Variants in ANKS1B observed in about 807,000 individuals in gnomAD.
ANKS1B encodes the protein ankyrin repeat and sterile alpha motif domain-containing protein 1B.
ANKS1B carries 36 observed loss-of-function variants against 148.3 expected under a neutral mutation model. The ratio of observed to expected loss-of-function variants is 0.24; its 90% confidence interval spans 0.19 to 0.32. The LOEUF (loss-of-function observed/expected upper bound fraction) is 0.32, where lower values mean the gene tolerates loss of function less well. Among genes scored for constraint, ANKS1B ranks in the 10% least tolerant of loss-of-function variants. The pLI, the probability that ANKS1B is intolerant of heterozygous loss-of-function variation, is 1.00. For missense variants in ANKS1B, 1,157 were observed against 1,542.6 expected (o/e 0.75, Z 4.19); for synonymous variants, 542 against 560.8 (o/e 0.97, Z 0.47).
intron 10 of ANKS1B, among the ~76,000 whole-genome samples, chr12:99,461,485 A>G (rs2095968779): frequency 6.6e-6 from 1 of 152,208 alleles, no homozygotes; most frequent in Admixed American, 6.6e-5. Flanking sequence ...ATATCACAGT[A>G]GTTGGAGGTG....
intron 1 of ANKS1B, among the ~76,000 whole-genome samples, chr12:99,905,774 G>A (rs1406078924): frequency 6.6e-6 from 1 of 152,068 alleles, no homozygotes; most frequent in Non-Finnish European, 1.5e-5. Context: ...TCTTCTTATA[G>A]AGATACCAGT....
intron 14 of ANKS1B, among the ~76,000 whole-genome samples, chr12:99,229,701 A>G (rs1337306897): frequency 1.3e-5 from 2 of 151,868 alleles, no homozygotes; most frequent in Non-Finnish European, 2.9e-5. Context: ...ATAAAAATCT[A>G]CTATTTATCT....
intron 1 of ANKS1B, among the ~76,000 whole-genome samples, chr12:99,878,557 G>GT (rs1376305446): frequency 1.3e-5 from 2 of 152,036 alleles, no homozygotes; most frequent in Non-Finnish European, 2.9e-5. Context: ...TATCCTTTTT[G>GT]TTTTTTCATT....
chr12:99,413,794 A>T (rs1026279583), intron 11 of ANKS1B, among the ~76,000 whole-genome samples: 2 of 152,164 alleles, frequency 1.3e-5, no homozygotes, highest in Admixed American at 6.5e-5. Flanking sequence ...AGACACTGCA[A>T]TCCCACATAG....
intron 9 of ANKS1B, among the ~76,000 whole-genome samples, chr12:99,523,028 G>GT (rs2096890621): frequency 6.6e-6 from 1 of 152,194 alleles, no homozygotes; most frequent in Admixed American, 6.5e-5. Flanking sequence ...CAATAATGTA[G>GT]TTTTTCAAAT....
intron 19 of ANKS1B, among the ~76,000 whole-genome samples, chr12:98,815,622 CTGA>C (rs1484428342): frequency 5.9e-5 from 9 of 152,168 alleles, no homozygotes; most frequent in Admixed American, 3.3e-4. Context: ...GACCAAGCTC[CTGA>C]TGACCTCACC....
At chr12:99,504,363 T>A in intron 10 of ANKS1B, 113 bp downstream of exon 10, 2 of 1,069,574 alleles carry the variant, frequency 1.9e-6, no homozygotes, top group Non-Finnish European at 2.7e-6. Context: ...TGGAACTACA[T>A]TGGGGGAACT....
chr12:99,768,037 T>C (rs985298084), intron 8 of ANKS1B, among the ~76,000 whole-genome samples: 1 of 152,090 alleles, frequency 6.6e-6, no homozygotes, highest in Non-Finnish European at 1.5e-5. Flanking sequence ...CAACAAAAGC[T>C]AAACTGAACT....
intron 8 of ANKS1B, among the ~76,000 whole-genome samples, chr12:99,687,581 C>G (rs1472802102): frequency 6.6e-6 from 1 of 152,054 alleles, no homozygotes; most frequent in Non-Finnish European, 1.5e-5. Flanking sequence ...GTTCACTAAT[C>G]TTTTCTGCTT....
In ANKS1B at chr12:99,414,773, T is replaced by C. The variant is rs1367139098; in HGVS notation, c.1576-14962A>G. Among the ~76,000 whole-genome samples the C allele has an allele frequency of 5.9e-5, 9 of 152,232 alleles. 1 individual carries two copies. In the South Asian group the frequency reaches 1.9e-3, roughly 31 times the overall value. On this transcript the variant is annotated intron_variant, in intron 11 of 26. Coordinates refer to ENST00000683438, the MANE Select transcript of ANKS1B (RefSeq NM_001352186.2). ...GTGCAACAAACCACCATAGCACATG[T>C]ATACCTATGTAACAAACCTGCGCGT...
At chr12:99,313,003 TAAC>T (rs1211454717) in intron 12 of ANKS1B, among the ~76,000 whole-genome samples, 3 of 151,266 alleles carry the variant, frequency 2.0e-5, no homozygotes, top group Non-Finnish European at 4.4e-5. Context: ...TTGAAAAAAT[TAAC>T]AAAATAGATA....
chr12:98,974,703 C>T (rs900139040), intron 17 of ANKS1B, among the ~76,000 whole-genome samples: 2 of 152,084 alleles, frequency 1.3e-5, no homozygotes, highest in Non-Finnish European at 2.9e-5. Flanking sequence ...CCAGGTAGGC[C>T]TCGTAGACAA....
chr12:99,289,737 C>T (rs1420848537), intron 12 of ANKS1B, among the ~76,000 whole-genome samples: 1 of 151,736 alleles, frequency 6.6e-6, no homozygotes, highest in African/African-American at 2.4e-5. Context: ...AATGGAAACA[C>T]AACATATCAA....
intron 9 of ANKS1B, among the ~76,000 whole-genome samples, chr12:99,619,430 T>A (rs1005606616): frequency 1.6e-4 from 24 of 152,038 alleles, no homozygotes; most frequent in Non-Finnish European, 3.4e-4. Flanking sequence ...CTAGTCTTCC[T>A]GCGCATAGAT....
At chr12:99,015,958 A>G (rs1477606277) in intron 17 of ANKS1B, among the ~76,000 whole-genome samples, 3 of 152,214 alleles carry the variant, frequency 2.0e-5, no homozygotes, top group African/African-American at 7.2e-5. Context: ...TTCCTTTAGT[A>G]GCTCACTTGT....
chr12:99,527,480 C>T (rs2096938182), intron 9 of ANKS1B, among the ~76,000 whole-genome samples: 1 of 152,170 alleles, frequency 6.6e-6, no homozygotes, highest in South Asian at 2.1e-4. Flanking sequence ...ACCTGGATCA[C>T]TTGTTAGTAA....
intron 10 of ANKS1B, among the ~76,000 whole-genome samples, chr12:99,465,554 C>T (rs555681482): frequency 0.041 from 6,243 of 151,810 alleles, 385 homozygotes; most frequent in African/African-American, 0.13. Flanking sequence ...ACCCATCTCA[C>T]GTGCAGAGAC....
intron 1 of ANKS1B, among the ~76,000 whole-genome samples, chr12:99,846,204 C>T (rs1217425696): frequency 6.6e-6 from 1 of 151,978 alleles, no homozygotes; most frequent in Non-Finnish European, 1.5e-5. Flanking sequence ...CCTTTTAATT[C>T]ACTAACATTT....
chr12:99,558,329 G>A (rs2153190105), intron 9 of ANKS1B, among the ~76,000 whole-genome samples: 1 of 152,334 alleles, frequency 6.6e-6, no homozygotes, highest in South Asian at 2.1e-4. Flanking sequence ...AGCATCAGGA[G>A]GAGCAGGATA....
Sources: allele counts gnomAD v4.1 joint callset (sites outside exome capture counted in the v4.1 genomes callset), GRCh38; gene constraint gnomAD v4.1.1; transcripts MANE v1.5; gene names NCBI Gene and HGNC (gene_info 2026-07-23, HGNC 2026-07-21).